C2orf42: variants seen among roughly 807,000 people sequenced by gnomAD.
C2orf42 encodes the protein uncharacterized protein C2orf42.
C2orf42 carries 44 observed loss-of-function variants against 58.9 expected under a neutral mutation model. The observed-to-expected ratio is 0.75, with a 90% CI of 0.59 to 0.96. C2orf42 has a LOEUF of 0.96. Ranked by LOEUF, C2orf42 falls within the 40% of genes least tolerant of loss-of-function variation. The pLI is 0.00. For synonymous variants in C2orf42, 239 were observed against 265.4 expected (o/e 0.90, Z 0.97); for missense variants, 630 against 699.2 (o/e 0.90, Z 1.12).
At chr2:70,190,013 C>G (rs6721306) in intron 1 of C2orf42, among the ~76,000 whole-genome samples, 32,560 of 151,778 alleles carry the variant, frequency 0.21, 3,966 homozygotes, top group Non-Finnish European at 0.26. Context: ...TCTATTGCAT[C>G]AGAAGAAACG....
chr2:70,151,022 C>A (rs538041518), intron 9 of C2orf42, among the ~76,000 whole-genome samples: 1 of 152,282 alleles, frequency 6.6e-6, no homozygotes, highest in African/African-American at 2.4e-5. Context: ...GGATTACAGG[C>A]GTGAGCCACC....
chr2:70,165,013 C>A, intron 8 of C2orf42, 79 bp downstream of exon 8: 1 of 616,838 alleles, frequency 1.6e-6, no homozygotes, highest in South Asian at 2.9e-5. Flanking sequence ...CTCAAGGAAC[C>A]AGTGCAAATA....
At chr2:70,178,041 TAAAA>T (rs556199463) in intron 4 of C2orf42, among the ~76,000 whole-genome samples, 5 of 152,108 alleles carry the variant, frequency 3.3e-5, no homozygotes, top group Non-Finnish European at 7.4e-5. Flanking sequence ...ACTCATCTCT[TAAAA>T]AACAAACAAA....
At chr2:70,184,941 T>C (rs926281551) in intron 1 of C2orf42, among the ~76,000 whole-genome samples, 3 of 148,656 alleles carry the variant, frequency 2.0e-5, no homozygotes, top group Non-Finnish European at 4.5e-5. Context: ...ATACAAAAAA[T>C]TAGCCGGGCG....
chr2:70,184,592 T>C (rs1162400521), intron 1 of C2orf42, among the ~76,000 whole-genome samples: 1 of 146,470 alleles, frequency 6.8e-6, no homozygotes, highest in Non-Finnish European at 1.5e-5. Flanking sequence ...GCAATCCTCC[T>C]GCCTCAGACT....
At chr2:70,189,970 T>G (rs1675234413) in intron 1 of C2orf42, among the ~76,000 whole-genome samples, 1 of 151,874 alleles carries the variant, frequency 6.6e-6, no homozygotes, top group South Asian at 2.1e-4. Flanking sequence ...GAGATACACA[T>G]ATGTATCTAT....
chr2:70,170,886 C>T (rs1013155713), intron 5 of C2orf42, among the ~76,000 whole-genome samples: 4 of 151,990 alleles, frequency 2.6e-5, no homozygotes, highest in African/African-American at 4.8e-5. Flanking sequence ...GAGGCCGAGG[C>T]GGGTGGATCA....
At chr2:70,170,392 G>A (rs1229386557) in intron 5 of C2orf42, among the ~76,000 whole-genome samples, 1 of 151,810 alleles carries the variant, frequency 6.6e-6, no homozygotes, top group Non-Finnish European at 1.5e-5. Context: ...GACTACAGGT[G>A]CGTCACCATG....
intron 9 of C2orf42, among the ~76,000 whole-genome samples, chr2:70,152,903 C>T (rs548608685): frequency 2.0e-5 from 3 of 152,094 alleles, no homozygotes; most frequent in South Asian, 2.1e-4. Flanking sequence ...CGTGGTGGCA[C>T]GCCCCTGTAA....
Position 70,181,144 on chromosome 2 carries a change from CA to C in C2orf42, c.823+18del. 1 of 1,446,154 alleles carries C rather than the reference CA, an allele frequency of 6.9e-7. No individual in the cohort carries two copies. Among genetic ancestry groups the C allele is most frequent in the Non-Finnish European group, 9.4e-7 (1 of 1,063,198 alleles). The allele number at this position is 1,446,154 out of a possible 1,614,324, so 89.6% of individuals were successfully genotyped here. On this transcript the variant is annotated intron_variant, in intron 3 of 9. Coordinates refer to ENST00000264434, the MANE Select transcript of C2orf42 (RefSeq NM_017880.3). ...CAGTTTTAGAAAAACGTAATAACCACATCAACCATACCACCTACCGCTGGAA... is the reference window on the plus strand; with the variant it reads ...CAGTTTTAGAAAAACGTAATAACCACTCAACCATACCACCTACCGCTGGAA...
intron 8 of C2orf42, among the ~76,000 whole-genome samples, chr2:70,161,575 T>C (rs888881815): frequency 1.3e-5 from 2 of 152,098 alleles, no homozygotes; most frequent in Non-Finnish European, 2.9e-5. Flanking sequence ...GAGTGGTGGC[T>C]CACGCCTGTA....
chr2:70,167,785 C>T (rs1480275559), intron 6 of C2orf42, among the ~76,000 whole-genome samples: 1 of 151,876 alleles, frequency 6.6e-6, no homozygotes, highest in African/African-American at 2.4e-5. Context: ...CACACACACT[C>T]ATAGTCAAGG....
At chr2:70,181,116 T>C (rs774846597) in intron 3 of C2orf42, 47 bp downstream of exon 3, 43 of 1,111,096 alleles carry the variant, frequency 3.9e-5, no homozygotes, top group Non-Finnish European at 5.2e-5. Flanking sequence ...ACTCTTTTCA[T>C]TGCAGTTTTA....
chr2:70,162,005 CT>C (rs534128416), intron 8 of C2orf42, among the ~76,000 whole-genome samples: 226 of 151,912 alleles, frequency 1.5e-3, no homozygotes, highest in Non-Finnish European at 2.3e-3. Flanking sequence ...CCAGGCCTCA[CT>C]TTTTCTTTTT....
At chr2:70,185,685 C>G (rs1327359445) in intron 1 of C2orf42, among the ~76,000 whole-genome samples, 1 of 151,220 alleles carries the variant, frequency 6.6e-6, no homozygotes, top group African/African-American at 2.4e-5. Flanking sequence ...TGCACTTCAG[C>G]CTGGGAAACA....
intron 4 of C2orf42, among the ~76,000 whole-genome samples, chr2:70,176,416 A>C (rs1006281918): frequency 6.6e-6 from 1 of 151,932 alleles, no homozygotes; most frequent in African/African-American, 2.4e-5. Flanking sequence ...AGGCAGGAGA[A>C]TCGCCTGAAC....
At position 70,150,409 on chromosome 2, in the gene C2orf42, G is replaced by A. The variant is rs1371245891; in HGVS notation, c.1672C>T (p.Pro558Ser). Residue 558 changes from proline to serine, a missense_variant, in exon 10 of 10, where the codon CCC becomes TCC. Pro to Ser is a moderately conservative substitution (Grantham distance 74, BLOSUM62 -1). Coordinates refer to ENST00000264434, the MANE Select transcript of C2orf42 (RefSeq NM_017880.3). ...GCCAGTTCCAAGGGCTGGTCCAAGGGGGGCCGCTGGTCTTGGTACTCCGCC... is the reference window on the plus strand; with the variant it reads ...GCCAGTTCCAAGGGCTGGTCCAAGGAGGGCCGCTGGTCTTGGTACTCCGCC... ...HVAEYQDQRP[P>S]LDQPLELAPL... The A allele has an allele frequency of 1.2e-6, 2 of 1,614,156 alleles. No individual in the cohort carries two copies. Among genetic ancestry groups the A allele is most frequent in the Admixed American group, 1.7e-5 (1 of 60,004 alleles).
intron 9 of C2orf42, among the ~76,000 whole-genome samples, chr2:70,158,881 C>T (rs1470856782): frequency 2.7e-5 from 4 of 150,274 alleles, no homozygotes; most frequent in East Asian, 2.0e-4. Context: ...CATGAGCCAC[C>T]GCGCTCGGCC....
Position 70,150,073 on chromosome 2 carries a change from T to A in C2orf42, c.*283A>T. 2.2e-6 allele frequency: 1 copy of A among 451,184 alleles called. No individual in the cohort carries two copies. The highest frequency in any genetic ancestry group is 4.0e-6 in the Non-Finnish European group (1 of 247,046). The allele number at this position is 451,184 out of a possible 1,614,324, so 27.9% of individuals were successfully genotyped here. A position where few individuals can be genotyped will look rare whatever the true frequency, so the allele number is the denominator to read the frequency against. On this transcript the variant is annotated 3_prime_UTR_variant, in exon 10 of 10. Transcript: ENST00000264434. The stretch of plus-strand genomic sequence containing the variant: ...GGTTGAAATAAACGCTAAAGATGAG[T>A]CCGTAAGAAGGAAAATAAGCTGGTT...
Sources: allele counts gnomAD v4.1 joint callset (sites outside exome capture counted in the v4.1 genomes callset), GRCh38; gene constraint gnomAD v4.1.1; transcripts MANE v1.5; gene names NCBI Gene and HGNC (gene_info 2026-07-23, HGNC 2026-07-21).